Variants in TRIM44 observed in about 807,000 individuals in gnomAD.
TRIM44 encodes the protein tripartite motif-containing protein 44.
In TRIM44, 13 loss-of-function variants were observed where a neutral mutation model predicts 37.4. That is an observed-to-expected ratio of 0.35 (90% CI 0.23 to 0.55). The LOEUF is 0.55. Among genes scored for constraint, TRIM44 ranks in the 20% least tolerant of loss-of-function variants. The pLI is 0.89. For missense variants in TRIM44, 426 were observed against 437.2 expected, an observed-to-expected ratio of 0.97 and a Z score of 0.23; for synonymous variants, 175 against 157.2, an observed-to-expected ratio of 1.11 and a Z score of -0.85.
At chr11:35,681,500 A>G (rs1851520868) in intron 1 of TRIM44, among the ~76,000 whole-genome samples, 1 of 152,194 alleles carries the variant, frequency 6.6e-6, no homozygotes, top group Admixed American at 6.5e-5. Flanking sequence ...AACAAGGTAC[A>G]TAAACAAGAT....
At chr11:35,794,385 A>G (rs1260894589) in intron 4 of TRIM44, among the ~76,000 whole-genome samples, 1 of 152,244 alleles carries the variant, frequency 6.6e-6, no homozygotes, top group Non-Finnish European at 1.5e-5. Context: ...CAGCTGTTTT[A>G]TAGAGAAGCC....
chr11:35,712,734 A>G (rs974267541), intron 2 of TRIM44, among the ~76,000 whole-genome samples: 2 of 152,168 alleles, frequency 1.3e-5, no homozygotes, highest in African/African-American at 4.8e-5. Context: ...GCGAACCTGG[A>G]GAGAGGAGTG....
At chr11:35,710,910 C>T (rs1439273822) in intron 2 of TRIM44, among the ~76,000 whole-genome samples, 3 of 152,128 alleles carry the variant, frequency 2.0e-5, no homozygotes, top group African/African-American at 4.8e-5. Flanking sequence ...ATATCTTGAA[C>T]CCCATCAGTA....
rs1476049355 is a variant in TRIM44, at chr11:35,814,757, TTTTTC to T, written c.*8377_*8381del. On this transcript the variant is annotated 3_prime_UTR_variant, in exon 5 of 5. Transcript: ENST00000299413. ...TTGCTATAACATTCTCTGTCCGTCT[TTTTTC>T]TTTTATGTAAATACTTTTGTGACTT... The T allele has an allele frequency of 6.6e-6, 1 of 152,166 alleles. No homozygotes were observed. The highest frequency in any genetic ancestry group is 1.5e-5 in the Non-Finnish European group (1 of 68,024). The allele number at this position is 152,166 out of a possible 1,614,324, so 9.4% of individuals were successfully genotyped here.
chr11:35,781,207 G>A (rs990358753), intron 4 of TRIM44, among the ~76,000 whole-genome samples: 5 of 152,072 alleles, frequency 3.3e-5, no homozygotes, highest in African/African-American at 1.2e-4. Context: ...CAAAGGAGCA[G>A]GGAGTTCAGA....
intron 1 of TRIM44, among the ~76,000 whole-genome samples, chr11:35,666,475 A>G (rs1186491757): frequency 6.6e-6 from 1 of 152,246 alleles, no homozygotes; most frequent in Admixed American, 6.5e-5. Context: ...TCATTACAAC[A>G]TGAAGTCTTC....
At chr11:35,686,626 G>C (rs1304987340) in intron 2 of TRIM44, among the ~76,000 whole-genome samples, 1 of 151,856 alleles carries the variant, frequency 6.6e-6, no homozygotes, top group East Asian at 1.9e-4. Flanking sequence ...GCATGATCTC[G>C]GCTCAGTGCA....
At chr11:35,769,249 C>G (rs1852835970) in intron 4 of TRIM44, among the ~76,000 whole-genome samples, 1 of 152,228 alleles carries the variant, frequency 6.6e-6, no homozygotes, top group African/African-American at 2.4e-5. Flanking sequence ...CATTTTCCGT[C>G]TGTGATCACT....
rs1436413890 is a variant in TRIM44, at chr11:35,809,360, A to C, written c.*2975A>C. 6.6e-6 allele frequency: 1 copy of C among 152,178 alleles called. No individual in the cohort carries two copies. The highest frequency in any genetic ancestry group is 1.5e-5 in the Non-Finnish European group (1 of 68,018). 9.4% of individuals were successfully genotyped at this position (152,178 alleles called of 1,614,324 possible). On this transcript the variant is annotated 3_prime_UTR_variant, in exon 5 of 5. Coordinates refer to ENST00000299413, the MANE Select transcript of TRIM44 (RefSeq NM_017583.6). The stretch of plus-strand genomic sequence containing the variant: ...ACACCATGGTCCACCTAAAAACAGA[A>C]GGATAAAAAGACTTCAGGTTTTCCC...
chr11:35,800,092 T>G (rs1853346279), intron 4 of TRIM44, among the ~76,000 whole-genome samples: 2 of 152,196 alleles, frequency 1.3e-5, no homozygotes, highest in Admixed American at 1.3e-4. Flanking sequence ...GCCGCGGACC[T>G]TCGCGGTGAG....
chr11:35,716,448 T>C (rs1325722995), intron 2 of TRIM44, among the ~76,000 whole-genome samples: 1 of 152,138 alleles, frequency 6.6e-6, no homozygotes, highest in Non-Finnish European at 1.5e-5. Flanking sequence ...TCTAGGTGTT[T>C]AGCAGGGAGT....
intron 1 of TRIM44, among the ~76,000 whole-genome samples, chr11:35,678,491 A>G (rs2135487273): frequency 1.3e-5 from 2 of 152,174 alleles, no homozygotes; most frequent in Middle Eastern, 6.8e-3. Flanking sequence ...GGTGGTAAAA[A>G]TTTTCGTACA....
In TRIM44 at chr11:35,816,757, C is replaced by G. The variant is rs758621964; in HGVS notation, c.*10372C>G. ...GGCTTTGTTCTTTACTAACTCTGAA[C>G]AATTAAATGAGCAGATGGTCTACAG... On this transcript the variant is annotated 3_prime_UTR_variant, in exon 5 of 5. Transcript: ENST00000299413. 5.9e-5 allele frequency: 9 copies of G among 152,136 alleles called. No homozygotes were observed. The highest frequency in any genetic ancestry group is 1.2e-4 in the Non-Finnish European group (8 of 68,024). The allele number at this position is 152,136 out of a possible 1,614,324, so 9.4% of individuals were successfully genotyped here. A position where few individuals can be genotyped will look rare whatever the true frequency, so the allele number is the denominator to read the frequency against.
chr11:35,794,109 A>G (rs1300920047), intron 4 of TRIM44, among the ~76,000 whole-genome samples: 3 of 152,194 alleles, frequency 2.0e-5, no homozygotes, highest in Non-Finnish European at 4.4e-5. Flanking sequence ...TGCTTTTTCC[A>G]TGATCAGTCT....
intron 4 of TRIM44, among the ~76,000 whole-genome samples, chr11:35,795,401 AGG>A (rs1853268816): frequency 1.3e-5 from 2 of 152,032 alleles, no homozygotes; most frequent in East Asian, 3.9e-4. Context: ...TAGTTCAAGC[AGG>A]AGATGGTGGC....
In TRIM44 at chr11:35,662,985, C is replaced by T; in HGVS notation, c.-127C>T. On this transcript the variant is annotated 5_prime_UTR_variant, in exon 1 of 5. Coordinates refer to ENST00000299413, the MANE Select transcript of TRIM44 (RefSeq NM_017583.6). ...CGGCCCCAGGTCCCGCTTCGAGACG[C>T]GGCGCGGTCCAGGCGGGAGGCGACT... The T allele has an allele frequency of 7.3e-7, 1 of 1,371,476 alleles. No homozygotes were observed. The highest frequency in any genetic ancestry group is 9.4e-7 in the Non-Finnish European group (1 of 1,067,208). 85.0% of individuals were successfully genotyped at this position (1,371,476 alleles called of 1,614,324 possible). A position where few individuals can be genotyped will look rare whatever the true frequency, so the allele number is the denominator to read the frequency against.
At chr11:35,722,422 A>G (rs1300278068) in intron 2 of TRIM44, among the ~76,000 whole-genome samples, 1 of 152,212 alleles carries the variant, frequency 6.6e-6, no homozygotes, top group East Asian at 1.9e-4. Flanking sequence ...AAGCAAGTTT[A>G]TTAAGAAAGT....
In TRIM44 at chr11:35,809,477, T is replaced by C. The variant is rs1347588235; in HGVS notation, c.*3092T>C. On this transcript the variant is annotated 3_prime_UTR_variant, in exon 5 of 5. Coordinates refer to ENST00000299413, the MANE Select transcript of TRIM44 (RefSeq NM_017583.6). ...CTCAGAAATGGCATTGAGGTAGCCT[T>C]ATTTCTCCCCTTTAGCAGATGCTTT... is the stretch of plus-strand genomic sequence containing the variant. The C allele has an allele frequency of 6.6e-6, 1 of 152,190 alleles. No individual in the cohort carries two copies. Among genetic ancestry groups the C allele is most frequent in the Non-Finnish European group, 1.5e-5 (1 of 68,030 alleles). The allele number at this position is 152,190 out of a possible 1,614,324, so 9.4% of individuals were successfully genotyped here.
At chr11:35,692,105 A>G (rs574646405) in intron 2 of TRIM44, among the ~76,000 whole-genome samples, 10 of 152,330 alleles carry the variant, frequency 6.6e-5, no homozygotes, top group African/African-American at 1.7e-4. Context: ...AGAAAAATGT[A>G]GAAGACCCAA....
Sources: allele counts gnomAD v4.1 joint callset (sites outside exome capture counted in the v4.1 genomes callset), GRCh38; gene constraint gnomAD v4.1.1; transcripts MANE v1.5; gene names NCBI Gene and HGNC (gene_info 2026-07-23, HGNC 2026-07-21).